DPP6: variants seen among roughly 807,000 people sequenced by gnomAD.
The protein encoded by DPP6 is A-type potassium channel modulatory protein DPP6.
In DPP6, 69 loss-of-function variants were observed where a neutral mutation model predicts 122.6. The ratio of observed to expected loss-of-function variants is 0.56; its 90% CI spans 0.46 to 0.69. The LOEUF is 0.69. Ranked by LOEUF, DPP6 falls within the 30% of genes least tolerant of loss-of-function variation. The probability of loss-of-function intolerance (pLI) is 0.00; values close to 1 mark genes in which losing one functional copy is unlikely to be tolerated. For missense variants in DPP6, 928 were observed against 1,116.9 expected, an observed-to-expected ratio of 0.83 and a Z score of 2.41; for synonymous variants, 418 against 433.1, an observed-to-expected ratio of 0.97 and a Z score of 0.43.
At chr7:154,402,240 A>T (rs1033323214) in intron 1 of DPP6, among the ~76,000 whole-genome samples, 2 of 152,040 alleles carry the variant, frequency 1.3e-5, no homozygotes, top group Non-Finnish European at 2.9e-5. Flanking sequence ...CAGCCATCCC[A>T]TTACTGGGTA....
chr7:154,510,624 G>T (rs1825991027), intron 3 of DPP6, among the ~76,000 whole-genome samples: 1 of 151,852 alleles, frequency 6.6e-6, no homozygotes, highest in Admixed American at 6.6e-5. Context: ...GCTTGAACCT[G>T]GGAGGTGGAG....
In DPP6 at chr7:154,358,544, T is replaced by A. The variant is rs1194742698; in HGVS notation, c.244-87670T>A. Among the ~76,000 whole-genome samples, 4 of 152,114 alleles carry A rather than the reference T, an allele frequency of 2.6e-5. No individual in the cohort carries two copies. The South Asian group carries it at 6.2e-4, about 24-fold the overall frequency. On this transcript the variant is annotated intron_variant, in intron 1 of 25. Coordinates refer to ENST00000377770, the MANE Select transcript of DPP6 (RefSeq NM_130797.4). ...GCAGTGGCTGGAGGCAGAGAGAGAC[T>A]GTGGCAAGCGGATGGCACTCGACGT...
chr7:154,031,928 C>T (rs368438162), intron 1 of DPP6, among the ~76,000 whole-genome samples: 236 of 147,488 alleles, frequency 1.6e-3, no homozygotes, highest in African/African-American at 5.8e-3. Context: ...GTGGCACAAT[C>T]TCGGCTCACT....
At chr7:154,561,087 T>C (rs1000600250) in intron 4 of DPP6, among the ~76,000 whole-genome samples, 2 of 152,166 alleles carry the variant, frequency 1.3e-5, no homozygotes, top group African/African-American at 4.8e-5. Context: ...CAGCTAGCAT[T>C]GAGCTACAAT....
intron 17 of DPP6, among the ~76,000 whole-genome samples, chr7:154,860,223 G>A (rs557703484): frequency 1.3e-5 from 2 of 152,048 alleles, no homozygotes; most frequent in Non-Finnish European, 2.9e-5. Flanking sequence ...CCCCCTCCTA[G>A]ACTGTCAAGG....
intron 25 of DPP6, 78 bp downstream of exon 25, chr7:154,889,608 G>A: frequency 1.3e-6 from 2 of 1,544,838 alleles, no homozygotes; most frequent in Non-Finnish European, 1.7e-6. Context: ...CGGGTGTTCA[G>A]GGCCTTCTAC....
At chr7:154,545,711 G>C (rs1829130613) in intron 4 of DPP6, among the ~76,000 whole-genome samples, 1 of 152,188 alleles carries the variant, frequency 6.6e-6, no homozygotes. Flanking sequence ...AGCTGAAATA[G>C]TCTTTAGAGA....
chr7:154,752,187 C>T (rs1433176636), intron 8 of DPP6, among the ~76,000 whole-genome samples: 3 of 152,114 alleles, frequency 2.0e-5, no homozygotes, highest in Non-Finnish European at 2.9e-5. Context: ...GTATATTATT[C>T]TATTGTTTTA....
chr7:154,443,826 G>A (rs959718184), intron 1 of DPP6, among the ~76,000 whole-genome samples: 1 of 152,212 alleles, frequency 6.6e-6, no homozygotes, highest in African/African-American at 2.4e-5. Context: ...TCCAAAGTAT[G>A]CATGTGGTAA....
At chr7:154,159,054 C>T (rs549493504) in intron 1 of DPP6, among the ~76,000 whole-genome samples, 21 of 152,092 alleles carry the variant, frequency 1.4e-4, no homozygotes, top group Non-Finnish European at 2.8e-4. Context: ...TCGTGTGTTA[C>T]TGGAGGAGGG....
At chr7:154,240,496 C>G (rs1005580167) in intron 1 of DPP6, among the ~76,000 whole-genome samples, 4 of 152,204 alleles carry the variant, frequency 2.6e-5, no homozygotes, top group Non-Finnish European at 5.9e-5. Context: ...CATCTTCCAT[C>G]CCATGCCTCA....
intron 8 of DPP6, among the ~76,000 whole-genome samples, chr7:154,745,916 C>G (rs1843015495): frequency 6.6e-6 from 1 of 152,150 alleles, no homozygotes; most frequent in Non-Finnish European, 1.5e-5. Flanking sequence ...CACTAGACCC[C>G]ACCTCCAACA....
intron 16 of DPP6, among the ~76,000 whole-genome samples, chr7:154,830,539 T>C (rs1257408614): frequency 2.0e-5 from 3 of 152,248 alleles, no homozygotes; most frequent in Admixed American, 1.3e-4. Flanking sequence ...GACTGTCCAG[T>C]GGAAAAACCT....
chr7:154,761,936 C>T (rs1795586083), intron 8 of DPP6, among the ~76,000 whole-genome samples: 3 of 152,092 alleles, frequency 2.0e-5, no homozygotes, highest in African/African-American at 7.2e-5. Flanking sequence ...TGAGTGAGAA[C>T]ATGCAGTGTT....
intron 5 of DPP6, chr7:154,587,700 T>G (rs1832546267): frequency 1.3e-5 from 20 of 1,551,636 alleles, no homozygotes; most frequent in Non-Finnish European, 1.7e-5. Flanking sequence ...CAAAATCATG[T>G]GACTCATTAG....
At chr7:154,421,145 G>A (rs1262530154) in intron 1 of DPP6, among the ~76,000 whole-genome samples, 1 of 108,496 alleles carries the variant, frequency 9.2e-6, no homozygotes, top group Non-Finnish European at 2.0e-5. Context: ...ATCTGTAAGT[G>A]AATATAACAA....
intron 1 of DPP6, among the ~76,000 whole-genome samples, chr7:154,106,980 A>G (rs1341268499): frequency 6.6e-6 from 1 of 152,176 alleles, no homozygotes; most frequent in Non-Finnish European, 1.5e-5. Context: ...ACACAGTGTT[A>G]GAGGGAATGT....
intron 10 of DPP6, among the ~76,000 whole-genome samples, chr7:154,779,506 G>A (rs1033697405): frequency 2.6e-5 from 4 of 152,166 alleles, no homozygotes; most frequent in Non-Finnish European, 5.9e-5. Context: ...GCCTATGGTT[G>A]CACTTTTAAT....
the DPP6 span, among the ~76,000 whole-genome samples, chr7:153,859,134 T>C: frequency 6.6e-6 from 1 of 152,178 alleles, no homozygotes; most frequent in South Asian, 2.1e-4. Context: ...AACCTTCACC[T>C]GTGCAATAAG....
Sources: gnomAD v4.1 joint callset for allele counts (sites outside exome capture counted in the v4.1 genomes callset) on GRCh38, gnomAD v4.1.1 for gene constraint, MANE v1.5 for transcripts, NCBI Gene and HGNC (gene_info 2026-07-23, HGNC 2026-07-21) for gene names.